The following VIPR1 variants were observed in gnomAD, a reference collection of about 807,000 sequenced individuals.
VIPR1 encodes the protein vasoactive intestinal peptide receptor 1.
A neutral mutation model predicts 58.8 loss-of-function variants in VIPR1; 59 were observed. The ratio of observed to expected loss-of-function variants is 1.00; its 90% confidence interval spans 0.81 to 1.25. The LOEUF (loss-of-function observed/expected upper bound fraction) is 1.25, where lower values mean the gene tolerates loss of function less well. VIPR1 is among the 50% of genes most tolerant of loss of function. The probability of loss-of-function intolerance (pLI) is 0.00; values close to 1 mark genes in which losing one functional copy is unlikely to be tolerated. For synonymous variants in VIPR1, 251 were observed against 242.1 expected (o/e 1.04, Z -0.34); for missense variants, 626 against 602.7 (o/e 1.04, Z -0.40).
Position 42,519,271 on chromosome 3 carries a change from G to C in VIPR1, c.233G>C (p.Arg78Pro). ...CTCACCTGCTGGCCAGCCACCCCTC[G>C]GGGCCAGGTAGTTGTCTTGGCCTGT... is the stretch of plus-strand genomic sequence containing the variant. ...DNLTCWPATP[R>P]GQVVVLACPL... Residue 78 changes from arginine to proline, a missense_variant, in exon 3 of 13, where the codon CGG becomes CCG. Transcript: ENST00000325123. 9.9e-6 allele frequency: 16 copies of C among 1,610,680 alleles called. No individual in the cohort carries two copies. The highest frequency in any genetic ancestry group is 1.4e-5 in the Non-Finnish European group (16 of 1,178,522).
chr3:42,515,799 G>A (rs1700595414), intron 2 of VIPR1, among the ~76,000 whole-genome samples: 1 of 152,206 alleles, frequency 6.6e-6, no homozygotes, highest in South Asian at 2.1e-4. Flanking sequence ...AGTCAGAAGT[G>A]TGTGTCTATT....
intron 2 of VIPR1, among the ~76,000 whole-genome samples, chr3:42,517,305 G>A (rs1274617386): frequency 6.6e-6 from 1 of 152,214 alleles, no homozygotes; most frequent in Non-Finnish European, 1.5e-5. Flanking sequence ...GTGAACCTTC[G>A]GACCTGAGCT....
upstream of VIPR1, chr3:42,502,584 G>A (rs1482104241): frequency 3.8e-6 from 2 of 532,254 alleles, no homozygotes; most frequent in East Asian, 4.0e-5. Context: ...ACGAGCCCCC[G>A]GGGCCCGCCC....
At chr3:42,530,540 T>G in intron 6 of VIPR1, 1 of 491,824 alleles carries the variant, frequency 2.0e-6, no homozygotes, top group Non-Finnish European at 3.6e-6. Context: ...GATGGGAAGG[T>G]GAATAGATGA....
chr3:42,528,768 G>C (rs1701374292), intron 6 of VIPR1: 1 of 152,452 alleles, frequency 6.6e-6, no homozygotes, highest in Admixed American at 6.5e-5. Flanking sequence ...AGCTTTGACA[G>C]AGAGCTTGAG....
chr3:42,507,696 G>T (rs927100008), intron 1 of VIPR1, among the ~76,000 whole-genome samples: 2 of 152,160 alleles, frequency 1.3e-5, no homozygotes, highest in African/African-American at 4.8e-5. Flanking sequence ...GCAAATAAAG[G>T]CTTCATGCCC....
At chr3:42,526,828 C>A (rs529077412) in intron 4 of VIPR1, among the ~76,000 whole-genome samples, 18 of 152,188 alleles carry the variant, frequency 1.2e-4, no homozygotes, top group Non-Finnish European at 2.4e-4. Flanking sequence ...AAGCGAGACA[C>A]CCTCGGGGCC....
rs117137040 is a variant in VIPR1 at position 42,515,453 on chromosome 3, C to T, written c.184+1599C>T. Among the ~76,000 whole-genome samples, 8 of 152,358 alleles carry T rather than the reference C, an allele frequency of 5.3e-5. No homozygotes were observed. The East Asian group carries it at 1.5e-3, about 29-fold the overall frequency. On this transcript the variant is annotated intron_variant, in intron 2 of 12. Transcript: ENST00000325123. ...CCAGGTGCAGACAGGCTTTGGCAGG[C>T]CCCAGCGGTGGGATCATAGGCAGCC...
intron 4 of VIPR1, among the ~76,000 whole-genome samples, chr3:42,527,173 C>T (rs371882073): frequency 1.5e-4 from 23 of 152,288 alleles, no homozygotes; most frequent in South Asian, 1.0e-3. Flanking sequence ...GTACATTCAA[C>T]CCCCACCCCA....
intron 10 of VIPR1, chr3:42,533,298 G>C (rs1214802765): frequency 6.6e-6 from 1 of 152,084 alleles, no homozygotes; most frequent in Non-Finnish European, 1.5e-5. Flanking sequence ...CTGGATTTAG[G>C]ATTCTATTCT....
intron 1 of VIPR1, chr3:42,512,733 C>T: frequency 1.0e-6 from 1 of 985,350 alleles, no homozygotes; most frequent in Non-Finnish European, 1.2e-6. Context: ...CTGGTGGAAA[C>T]TGACATTCTT....
chr3:42,513,694 G>T, intron 1 of VIPR1, 55 bp from the exon 2 acceptor site: 8 of 1,527,494 alleles, frequency 5.2e-6, no homozygotes, highest in Non-Finnish European at 7.1e-6. Context: ...GACTGGGCCT[G>T]GTGCTCCTGA....
At position 42,531,880 on chromosome 3, in the gene VIPR1, C is replaced by T. The variant is rs953004398; in HGVS notation, c.918+11C>T. On this transcript the variant is annotated intron_variant, in intron 9 of 12. Transcript: ENST00000325123. Reference sequence around the variant, plus strand: ...CTCACCTCCATCTTGGTAAGATACCCTCCCACCACCTAGAGATGGGGAAAC... The same window carrying T: ...CTCACCTCCATCTTGGTAAGATACCTTCCCACCACCTAGAGATGGGGAAAC... The T allele has an allele frequency of 3.7e-6, 6 of 1,614,130 alleles. No homozygotes were observed. The Admixed American group carries it at 6.7e-5, about 18-fold the overall frequency.
chr3:42,519,365 G>A, intron 3 of VIPR1, 35 bp downstream of exon 3: 4 of 1,552,662 alleles, frequency 2.6e-6, no homozygotes, highest in Non-Finnish European at 3.5e-6. Flanking sequence ...GATGTGAGTG[G>A]GGCCGGCTGG....
chr3:42,528,222 C>T, intron 6 of VIPR1, 99 bp downstream of exon 6: 1 of 1,469,718 alleles, frequency 6.8e-7, no homozygotes, highest in African/African-American at 1.4e-5. Context: ...TCCCTCCTCC[C>T]TCTTCCCTCC....
chr3:42,491,371 T>A (rs1455950178), intron 1 of VIPR1, among the ~76,000 whole-genome samples: 1 of 152,230 alleles, frequency 6.6e-6, no homozygotes, highest in Admixed American at 6.5e-5. Flanking sequence ...ATTGTGGTTA[T>A]TTTTTAGAGT....
At chr3:42,531,117 C>T (rs1332205026) in intron 7 of VIPR1, 185 bp downstream of exon 7, 3 of 767,862 alleles carry the variant, frequency 3.9e-6, no homozygotes, top group Non-Finnish European at 4.1e-6. Context: ...ACAAGTCCCT[C>T]AGGTTGCAGC....
intron 1 of VIPR1, among the ~76,000 whole-genome samples, chr3:42,504,738 A>G (rs1325033364): frequency 8.5e-6 from 1 of 117,760 alleles, no homozygotes; most frequent in Non-Finnish European, 1.7e-5. Context: ...AACCTGCTCT[A>G]GCCGGACTCG....
intron 2 of VIPR1, among the ~76,000 whole-genome samples, chr3:42,517,853 G>A (rs1700711675): frequency 6.6e-6 from 1 of 152,144 alleles, no homozygotes; most frequent in Non-Finnish European, 1.5e-5. Context: ...GTGGGCTCCT[G>A]TAATCCCAGC....
Sources: gnomAD v4.1 joint callset for allele counts (sites outside exome capture counted in the v4.1 genomes callset) on GRCh38, gnomAD v4.1.1 for gene constraint, MANE v1.5 for transcripts, NCBI Gene and HGNC (gene_info 2026-07-23, HGNC 2026-07-21) for gene names.